Variants in KIFAP3 observed in about 807,000 individuals in gnomAD.
KIFAP3 encodes the protein kinesin-associated protein 3.
Under a neutral mutation model 106.5 loss-of-function variants are expected in KIFAP3, and 68 were observed. The ratio of observed to expected loss-of-function variants is 0.64; its 90% CI spans 0.53 to 0.78. The LOEUF is 0.78. Ranked by LOEUF, KIFAP3 falls within the 30% of genes least tolerant of loss-of-function variation. The pLI is 0.00. For synonymous variants in KIFAP3, 320 were observed against 311.5 expected (o/e 1.03, Z -0.29); for missense variants, 780 against 941.8 (o/e 0.83, Z 2.25).
At chr1:170,030,690 C>T (rs1024158394) in intron 8 of KIFAP3, among the ~76,000 whole-genome samples, 2 of 151,596 alleles carry the variant, frequency 1.3e-5, no homozygotes, top group Non-Finnish European at 3.0e-5. Context: ...GACAAAAATG[C>T]ATACATACTA....
Position 169,994,093 on chromosome 1 carries a change from C to CA in KIFAP3, c.1184-1839_1184-1838insT, listed in dbSNP as rs1328833191. Among the ~76,000 whole-genome samples the CA allele has an allele frequency of 1.2e-3, 176 of 152,252 alleles. 3 individuals carry two copies. Among genetic ancestry groups the CA allele is most frequent in the Non-Finnish European group, 5.9e-4 (40 of 68,018 alleles). On this transcript the variant is annotated intron_variant, in intron 10 of 19. Coordinates refer to ENST00000361580, the MANE Select transcript of KIFAP3 (RefSeq NM_014970.4). ...TTAATAATAATTTATTAAACATTTA[C>CA]TATATATCAAGAGCCATGCTAAACA...
In KIFAP3 at chr1:169,997,890, A is replaced by C. The variant is rs1169553845; in HGVS notation, c.1184-5635T>G. ...TCAAAAAAAAAAAAAAAAGAAAAAAAAAAGGATAAAAAAAAAAAAACTCTG... is the reference window on the plus strand; with the variant it reads ...TCAAAAAAAAAAAAAAAAGAAAAAACAAAGGATAAAAAAAAAAAAACTCTG... On this transcript the variant is annotated intron_variant, in intron 10 of 19. Coordinates refer to ENST00000361580, the MANE Select transcript of KIFAP3 (RefSeq NM_014970.4). Among the ~76,000 whole-genome samples, 6 of 38,696 alleles carry C rather than the reference A, an allele frequency of 1.6e-4. No homozygotes were observed. In the South Asian group the frequency reaches 5.7e-3, roughly 37 times the overall value. The allele number at this position is 38,696 out of a possible 152,430, so 25.4% of individuals were successfully genotyped here.
intron 2 of KIFAP3, among the ~76,000 whole-genome samples, chr1:170,049,819 C>A (rs180932522): frequency 0.045 from 6,785 of 150,660 alleles, 230 homozygotes; most frequent in East Asian, 0.12. Flanking sequence ...CACCCCCCCC[C>A]AAAAAAAACC....
intron 3 of KIFAP3, chr1:170,041,811 T>C (rs748490770): frequency 1.3e-6 from 2 of 1,500,096 alleles, no homozygotes; most frequent in South Asian, 2.5e-5. Flanking sequence ...TCGTGTTCCC[T>C]CTTCAGAAGT....
intron 19 of KIFAP3, among the ~76,000 whole-genome samples, chr1:169,930,279 C>T (rs899679634): frequency 4.6e-5 from 7 of 152,146 alleles, no homozygotes; most frequent in South Asian, 4.1e-4. Flanking sequence ...GCTGTTAGAG[C>T]GCTTGTCGTG....
At chr1:170,020,929 G>T (rs1460597242) in intron 9 of KIFAP3, among the ~76,000 whole-genome samples, 3 of 151,994 alleles carry the variant, frequency 2.0e-5, no homozygotes, top group Admixed American at 1.3e-4. Context: ...TGTGAACTTG[G>T]GTTAGACAAA....
intron 19 of KIFAP3, among the ~76,000 whole-genome samples, chr1:169,927,357 T>C (rs1197782783): frequency 1.3e-5 from 2 of 152,200 alleles, no homozygotes; most frequent in African/African-American, 2.4e-5. Flanking sequence ...GTCATCCTAC[T>C]GTAGCATATG....
intron 1 of KIFAP3, among the ~76,000 whole-genome samples, chr1:170,071,239 C>T (rs1671689628): frequency 1.3e-5 from 2 of 152,158 alleles, no homozygotes; most frequent in South Asian, 4.1e-4. Flanking sequence ...CCTAGGTATA[C>T]ACCAAAAGAT....
At chr1:169,951,175 C>T (rs992063364) in intron 19 of KIFAP3, among the ~76,000 whole-genome samples, 3 of 151,782 alleles carry the variant, frequency 2.0e-5, no homozygotes, top group Non-Finnish European at 4.4e-5. Flanking sequence ...CTATTACCTA[C>T]CACAAAATTT....
intron 3 of KIFAP3, among the ~76,000 whole-genome samples, chr1:170,040,697 TAAC>T (rs1180258154): frequency 6.6e-6 from 1 of 152,190 alleles, no homozygotes; most frequent in Admixed American, 6.5e-5. Flanking sequence ...ACAGACATCT[TAAC>T]AAGAATATTC....
At chr1:170,018,986 C>T (rs1325450462) in intron 9 of KIFAP3, among the ~76,000 whole-genome samples, 2 of 152,018 alleles carry the variant, frequency 1.3e-5, no homozygotes, top group Non-Finnish European at 2.9e-5. Context: ...TGATAAACCA[C>T]TAATCTAGAA....
chr1:169,979,609 A>T (rs1666401495), intron 15 of KIFAP3, among the ~76,000 whole-genome samples: 1 of 152,152 alleles, frequency 6.6e-6, no homozygotes, highest in South Asian at 2.1e-4. Context: ...TGATGGCTAC[A>T]ATTGAAAGGA....
chr1:170,043,924 A>C (rs1670110502), intron 3 of KIFAP3, among the ~76,000 whole-genome samples: 1 of 152,214 alleles, frequency 6.6e-6, no homozygotes, highest in Non-Finnish European at 1.5e-5. Flanking sequence ...GACATCTTTT[A>C]AAAAATCAGA....
chr1:169,987,951 C>T lies in KIFAP3; in HGVS notation c.1285-3261G>A, dbSNP rs188878045. Among the ~76,000 whole-genome samples the T allele has an allele frequency of 5.0e-3, 760 of 152,088 alleles. 11 individuals are homozygous for T. Among genetic ancestry groups the T allele is most frequent in the Admixed American group, 0.015 (222 of 15,234 alleles). ...ACAACCATTAACTCCCGCTTATCCT[C>T]AAGTATGCCTACCTGAAACAATCTA... is the stretch of plus-strand genomic sequence containing the variant. On this transcript the variant is annotated intron_variant, in intron 11 of 19. Transcript: ENST00000361580.
rs748456498 is a variant in KIFAP3 at position 170,016,517 on chromosome 1, T to A, written c.1128A>T (p.Gly376=). Residue 376 remains glycine (G), a synonymous_variant, in exon 10 of 20, where the codon GGA becomes GGT. Transcript: ENST00000361580. The part of the protein sequence containing the change: ...RLLLNLSFDT[G]LRNKMVQVGL... ...CAACTTGTACCATCTTATTCCTCAG[T>A]CCTGTGTCAAAGGATAGGTTTAGTA... The A allele has an allele frequency of 1.9e-6, 3 of 1,610,596 alleles. No individual in the cohort carries two copies. Among genetic ancestry groups the A allele is most frequent in the Non-Finnish European group, 1.7e-6 (2 of 1,178,494 alleles).
chr1:169,952,683 C>G (rs1009429825), intron 19 of KIFAP3, among the ~76,000 whole-genome samples: 1 of 152,044 alleles, frequency 6.6e-6, no homozygotes, highest in Non-Finnish European at 1.5e-5. Context: ...CATCATCCTA[C>G]TTGTGTGAAT....
chr1:169,967,370 C>A (rs1206904755), intron 17 of KIFAP3, among the ~76,000 whole-genome samples: 1 of 151,786 alleles, frequency 6.6e-6, no homozygotes, highest in Admixed American at 6.6e-5. Context: ...TTCCTATGGA[C>A]CATCATTCGG....
chr1:169,963,923 A>AT (rs11414162), intron 17 of KIFAP3, among the ~76,000 whole-genome samples: 142,658 of 152,258 alleles, frequency 0.94, 66,913 homozygotes, highest in East Asian at 1. Flanking sequence ...AATAATAAAC[A>AT]TTTTTATTCA....
chr1:169,994,478 T>C (rs1243352973), intron 10 of KIFAP3, among the ~76,000 whole-genome samples: 1 of 152,218 alleles, frequency 6.6e-6, no homozygotes, highest in Non-Finnish European at 1.5e-5. Flanking sequence ...ATCCAGGTTT[T>C]AGATTTTGCA....
Sources: allele counts gnomAD v4.1 joint callset (sites outside exome capture counted in the v4.1 genomes callset), GRCh38; gene constraint gnomAD v4.1.1; transcripts MANE v1.5; gene names NCBI Gene and HGNC (gene_info 2026-07-23, HGNC 2026-07-21).